The following CTNNA2 variants were observed in gnomAD, a reference collection of about 807,000 sequenced individuals.
The protein encoded by CTNNA2 is catenin alpha-2.
A neutral mutation model predicts 101.0 loss-of-function variants in CTNNA2; 42 were observed. That is an observed-to-expected ratio of 0.42 (90% confidence interval 0.32 to 0.54). The LOEUF is 0.54. Among genes scored for constraint, CTNNA2 ranks in the 20% least tolerant of loss-of-function variants. The pLI, the probability that CTNNA2 is intolerant of heterozygous loss-of-function variation, is 0.14. For synonymous variants in CTNNA2, 450 were observed against 456.4 expected (o/e 0.99, Z 0.18); for missense variants, 871 against 1,223.1 (o/e 0.71, Z 4.29).
At chr2:79,561,074 A>G (rs931315687) in intron 1 of CTNNA2, among the ~76,000 whole-genome samples, 1 of 151,918 alleles carries the variant, frequency 6.6e-6, no homozygotes, top group African/African-American at 2.4e-5. Context: ...CCCATACATA[A>G]TAGCAATCAT....
upstream of CTNNA2, among the ~76,000 whole-genome samples, chr2:79,511,893 T>C (rs1033128841): frequency 7.2e-5 from 11 of 152,176 alleles, no homozygotes; most frequent in Middle Eastern, 3.2e-3. Flanking sequence ...CACGCACTGA[T>C]GCTAGTGGAC....
chr2:79,211,010 C>G (rs1674165328), intron 2 of CTNNA2, among the ~76,000 whole-genome samples: 1 of 152,160 alleles, frequency 6.6e-6, no homozygotes, highest in South Asian at 2.1e-4. Flanking sequence ...GCTTCCACTT[C>G]CTGTCTACCT....
At chr2:79,933,661 G>A (rs2104430540) in intron 7 of CTNNA2, among the ~76,000 whole-genome samples, 1 of 152,080 alleles carries the variant, frequency 6.6e-6, no homozygotes, top group East Asian at 1.9e-4. Context: ...CACCATGTTG[G>A]CCAGGCTGGT....
intron 1 of CTNNA2, among the ~76,000 whole-genome samples, chr2:79,552,288 A>C (rs1674154374): frequency 2.0e-5 from 3 of 152,240 alleles, no homozygotes; most frequent in Admixed American, 6.5e-5. Flanking sequence ...GCTCCAAAGT[A>C]ATCTCCTTTG....
intron 4 of CTNNA2, among the ~76,000 whole-genome samples, chr2:79,442,098 ATTTG>A (rs1558667512): frequency 6.6e-6 from 1 of 152,104 alleles, no homozygotes; most frequent in Non-Finnish European, 1.5e-5. Context: ...TTAAGTATTT[ATTTG>A]TTTATTATCT....
At chr2:79,370,093 T>A (rs1269994094) in intron 3 of CTNNA2, among the ~76,000 whole-genome samples, 1 of 152,178 alleles carries the variant, frequency 6.6e-6, no homozygotes, top group African/African-American at 2.4e-5. Context: ...TTGACCTCAG[T>A]ATCAGAGCAT....
In CTNNA2 at chr2:79,980,440, T is replaced by C. The variant is rs542379299; in HGVS notation, c.1056+70643T>C. On this transcript the variant is annotated intron_variant, in intron 7 of 18. Coordinates refer to ENST00000402739, the MANE Select transcript of CTNNA2 (RefSeq NM_001282597.3). ...CCTCATTGGTTTTAATATTTTTAACTCCAAAGCCCTCTAATTGCAAAAATT... is the reference window on the plus strand; with the variant it reads ...CCTCATTGGTTTTAATATTTTTAACCCCAAAGCCCTCTAATTGCAAAAATT... Among the ~76,000 whole-genome samples, 15 of 152,228 alleles carry C rather than the reference T, an allele frequency of 9.9e-5. 1 individual carries two copies. Among genetic ancestry groups the C allele is most frequent in the African/African-American group, 3.4e-4 (14 of 41,558 alleles).
chr2:80,202,329 G>A (rs76867093), intron 7 of CTNNA2, among the ~76,000 whole-genome samples: 4,318 of 152,202 alleles, frequency 0.028, 208 homozygotes, highest in African/African-American at 0.097. Flanking sequence ...GAAAGGAGAG[G>A]CCGACACATA....
intron 6 of CTNNA2, among the ~76,000 whole-genome samples, chr2:79,904,369 A>T (rs962643251): frequency 5.9e-5 from 9 of 152,180 alleles, no homozygotes; most frequent in Admixed American, 2.0e-4. Context: ...TCAGTTATCT[A>T]TTGGGAGGGT....
At chr2:80,104,408 C>A (rs1414027104) in intron 7 of CTNNA2, among the ~76,000 whole-genome samples, 2 of 152,180 alleles carry the variant, frequency 1.3e-5, no homozygotes, top group African/African-American at 4.8e-5. Flanking sequence ...AAGGAGCAGC[C>A]TACAGGGAAG....
At chr2:80,067,456 A>C (rs1331766822) in intron 7 of CTNNA2, among the ~76,000 whole-genome samples, 1 of 152,148 alleles carries the variant, frequency 6.6e-6, no homozygotes, top group Non-Finnish European at 1.5e-5. Context: ...ACCAAAAATC[A>C]TATCTGGAAA....
chr2:80,306,259 A>G (rs1676934683), intron 7 of CTNNA2, among the ~76,000 whole-genome samples: 1 of 152,176 alleles, frequency 6.6e-6, no homozygotes, highest in African/African-American at 2.4e-5. Context: ...GTTAGAAGAG[A>G]CATTAGAAAA....
intron 2 of CTNNA2, among the ~76,000 whole-genome samples, chr2:79,220,805 T>G (rs1674332886): frequency 6.6e-6 from 1 of 152,186 alleles, no homozygotes; most frequent in Non-Finnish European, 1.5e-5. Flanking sequence ...ACCAAATAAT[T>G]AAAGCTTCAC....
At chr2:79,868,203 T>C (rs989413591) in intron 4 of CTNNA2, among the ~76,000 whole-genome samples, 1 of 152,174 alleles carries the variant, frequency 6.6e-6, no homozygotes, top group African/African-American at 2.4e-5. Context: ...TTTCATATTT[T>C]TATAATTAGG....
At chr2:79,654,069 A>C (rs1681442456) in intron 2 of CTNNA2, among the ~76,000 whole-genome samples, 1 of 152,170 alleles carries the variant, frequency 6.6e-6, no homozygotes, top group Non-Finnish European at 1.5e-5. Flanking sequence ...CATGCTCCTC[A>C]CTTCCTTCTG....
intron 2 of CTNNA2, among the ~76,000 whole-genome samples, chr2:79,215,878 C>T (rs1002957724): frequency 6.6e-6 from 1 of 151,900 alleles, no homozygotes; most frequent in Non-Finnish European, 1.5e-5. Context: ...TATGACCTAG[C>T]TCGGCCTTGC....
chr2:80,630,381 G>A (rs908750870), intron 18 of CTNNA2, among the ~76,000 whole-genome samples: 1 of 152,074 alleles, frequency 6.6e-6, no homozygotes, highest in Admixed American at 6.5e-5. Flanking sequence ...GCTCATGCCT[G>A]TAATCCCAGC....
At chr2:79,941,386 C>A (rs1002980946) in intron 7 of CTNNA2, among the ~76,000 whole-genome samples, 1 of 152,174 alleles carries the variant, frequency 6.6e-6, no homozygotes, top group South Asian at 2.1e-4. Flanking sequence ...ATGCAGAGTG[C>A]TCCAGCAGCA....
At chr2:79,331,087 T>A (rs886264192) in intron 3 of CTNNA2, among the ~76,000 whole-genome samples, 1 of 152,170 alleles carries the variant, frequency 6.6e-6, no homozygotes, top group African/African-American at 2.4e-5. Context: ...GAGTTCAAGA[T>A]TTTTTTCTCT....
Sources: allele counts gnomAD v4.1 joint callset (sites outside exome capture counted in the v4.1 genomes callset), GRCh38; gene constraint gnomAD v4.1.1; transcripts MANE v1.5; gene names NCBI Gene and HGNC (gene_info 2026-07-23, HGNC 2026-07-21).